Variants in KANSL1 observed in about 807,000 individuals in gnomAD.
The protein encoded by KANSL1 is KAT8 regulatory NSL complex subunit 1.
A neutral mutation model predicts 103.6 loss-of-function variants in KANSL1; 22 were observed. The ratio of observed to expected loss-of-function variants is 0.21; its 90% confidence interval spans 0.15 to 0.30. The LOEUF (loss-of-function observed/expected upper bound fraction) is 0.30. KANSL1 is among the 10% of genes least tolerant of loss of function. The probability of loss-of-function intolerance (pLI) is 1.00; values close to 1 mark genes in which losing one functional copy is unlikely to be tolerated. For synonymous variants in KANSL1, 600 were observed against 527.6 expected (o/e 1.14, Z -1.88); for missense variants, 1,337 against 1,399.8 (o/e 0.96, Z 0.72).
chr17:46,059,661 G>GAGAGAGAGAC (rs2078087242), intron 6 of KANSL1, among the ~76,000 whole-genome samples: 1 of 145,544 alleles, frequency 6.9e-6, no homozygotes, highest in East Asian at 2.0e-4. Context: ...GAGAGAGAGA[G>GAGAGAGAGAC]AGAGAAAAGG....
Position 46,034,175 on chromosome 17 carries a change from T to G in KANSL1, c.2652A>C (p.Glu884Asp). 6.2e-7 allele frequency: 1 copy of G among 1,614,006 alleles called. No homozygotes were observed. The highest frequency in any genetic ancestry group is 8.5e-7 in the Non-Finnish European group (1 of 1,179,934). Residue 884 changes from glutamate to aspartate, a missense_variant, in exon 11 of 15, where the codon GAA becomes GAC. Around this residue, in one of 2 missense-constraint regions of KANSL1, gnomAD observed 780 missense variants for 923.4 expected, o/e 0.84. Transcript: ENST00000432791. ...TGAGCTTCTACCTGGGCGTAAGGAT[T>G]TCCTTGTATTGCAGTTTCTCTACGC... Reference protein sequence around the residue: ...TTRVEKLQYKEILTPSWREVD... With the variant: ...TTRVEKLQYKDILTPSWREVD...
chr17:46,193,707 G>A (rs2147942679), upstream of KANSL1: 1 of 270,172 alleles, frequency 3.7e-6, no homozygotes, highest in South Asian at 2.6e-5. Flanking sequence ...CAGCACTGCG[G>A]CAGGGGGAAG....
In KANSL1 at chr17:46,148,579, C is replaced by T. The variant is rs184764014; in HGVS notation, c.1289+22276G>A. ...CTCTTCTAACCCAAATCACCATCCT[C>T]CTTCACTTACCTTTTTTTTTTTTTG... On this transcript the variant is annotated intron_variant, in intron 2 of 14. Transcript: ENST00000432791. Among the ~76,000 whole-genome samples the T allele has an allele frequency of 2.4e-3, 365 of 151,800 alleles. 3 individuals carry two copies. Among genetic ancestry groups the T allele is most frequent in the African/African-American group, 8.4e-3 (347 of 41,390 alleles).
At chr17:46,065,762 T>G (rs995944941) in intron 6 of KANSL1, among the ~76,000 whole-genome samples, 2 of 152,242 alleles carry the variant, frequency 1.3e-5, no homozygotes, top group African/African-American at 4.8e-5. Flanking sequence ...AACTGCTATT[T>G]GAAGAGTCAG....
At chr17:46,162,937 A>G (rs148462131) in intron 2 of KANSL1, among the ~76,000 whole-genome samples, 171 of 152,274 alleles carry the variant, frequency 1.1e-3, no homozygotes, top group African/African-American at 4.0e-3. Flanking sequence ...TTCCTCAATG[A>G]GCAGCAAAGC....
intron 2 of KANSL1, among the ~76,000 whole-genome samples, chr17:46,148,432 T>C (rs72628329): frequency 0.14 from 21,636 of 151,698 alleles, 1,760 homozygotes; most frequent in East Asian, 0.46. Flanking sequence ...TAAACAAGGG[T>C]AACCTATCAT....
intron 2 of KANSL1, among the ~76,000 whole-genome samples, chr17:46,130,587 A>AC: frequency 6.6e-6 from 1 of 152,318 alleles, no homozygotes; most frequent in Non-Finnish European, 1.5e-5. Flanking sequence ...ACCTTGATTA[A>AC]CCCCACCACA....
chr17:46,131,903 T>C (rs1597747872), intron 2 of KANSL1, among the ~76,000 whole-genome samples: 1 of 152,122 alleles, frequency 6.6e-6, no homozygotes, highest in East Asian at 1.9e-4. Flanking sequence ...CCGAGGCAGG[T>C]GGATCACAAA....
intron 6 of KANSL1, among the ~76,000 whole-genome samples, chr17:46,054,051 G>A (rs78781413): frequency 0.047 from 7,225 of 152,170 alleles, 901 homozygotes; most frequent in East Asian, 0.42. Context: ...TTGAGCCCAG[G>A]AGTGAGGAGC....
chr17:46,091,828 T>C (rs1460616686), intron 3 of KANSL1, among the ~76,000 whole-genome samples: 1 of 151,834 alleles, frequency 6.6e-6, no homozygotes, highest in Non-Finnish European at 1.5e-5. Flanking sequence ...TATGTATGTA[T>C]GTATATGAGA....
chr17:46,116,915 A>C (rs1375161673), intron 2 of KANSL1, among the ~76,000 whole-genome samples: 1 of 152,256 alleles, frequency 6.6e-6, no homozygotes, highest in Non-Finnish European at 1.5e-5. Flanking sequence ...TTAAATGGCA[A>C]AATAATCTCA....
intron 7 of KANSL1, chr17:46,040,099 G>A: frequency 2.2e-6 from 1 of 450,906 alleles, no homozygotes; most frequent in Non-Finnish European, 3.9e-6. Context: ...AGTCCCAAAG[G>A]GAAACAAAAC....
At chr17:46,146,677 C>G (rs1319393272) in intron 2 of KANSL1, among the ~76,000 whole-genome samples, 1 of 143,936 alleles carries the variant, frequency 6.9e-6, no homozygotes, top group Non-Finnish European at 1.6e-5. Flanking sequence ...ACTAAAAATA[C>G]AAAAAATTAG....
At chr17:46,133,428 A>G (rs1359817633) in intron 2 of KANSL1, among the ~76,000 whole-genome samples, 1 of 152,240 alleles carries the variant, frequency 6.6e-6, no homozygotes, top group Non-Finnish European at 1.5e-5. Flanking sequence ...CACTCCAACT[A>G]GAAAGGAAAA....
At chr17:46,220,094 C>A (rs1314304466) in intron 1 of KANSL1, among the ~76,000 whole-genome samples, 1 of 152,180 alleles carries the variant, frequency 6.6e-6, no homozygotes, top group Admixed American at 6.5e-5. Context: ...CAGAGTGAGG[C>A]TCCGTCTCAA....
At chr17:46,146,936 G>A (rs1456869541) in intron 2 of KANSL1, among the ~76,000 whole-genome samples, 1 of 151,902 alleles carries the variant, frequency 6.6e-6, no homozygotes, top group Non-Finnish European at 1.5e-5. Flanking sequence ...GGGCACAGTG[G>A]TGCACATCCT....
At chr17:46,043,308 A>G (rs909575449) in intron 7 of KANSL1, 14 of 109,390 alleles carry the variant, frequency 1.3e-4, no homozygotes, top group Admixed American at 1.1e-3. Flanking sequence ...TGAAGCCAGG[A>G]AAAAAAAAAG....
chr17:46,160,378 A>C (rs59049733), intron 2 of KANSL1, among the ~76,000 whole-genome samples: 21,622 of 151,600 alleles, frequency 0.14, 1,758 homozygotes, highest in East Asian at 0.46. Context: ...ACTCACTGCA[A>C]CCTCTACCTC....
At chr17:46,183,075 G>C (rs1459277731) in intron 1 of KANSL1, among the ~76,000 whole-genome samples, 1 of 152,224 alleles carries the variant, frequency 6.6e-6, no homozygotes, top group East Asian at 1.9e-4. Context: ...TACAGGCTGA[G>C]AAGTAGGCGG....
Sources: allele counts gnomAD v4.1 joint callset (sites outside exome capture counted in the v4.1 genomes callset), GRCh38; gene constraint gnomAD v4.1.1; regional missense constraint gnomAD v4.1.1; transcripts MANE v1.5; gene names NCBI Gene and HGNC (gene_info 2026-07-23, HGNC 2026-07-21).